ATAD3C: variants seen among roughly 807,000 people sequenced by gnomAD.
ATAD3C encodes ATPase family AAA domain-containing protein 3C.
A neutral mutation model predicts 46.3 loss-of-function variants in ATAD3C; 38 were observed. That is an observed-to-expected ratio of 0.82 (90% CI 0.63 to 1.08). The LOEUF is 1.08. ATAD3C is among the 50% of genes least tolerant of loss of function. ATAD3C has a pLI of 0.00. For missense variants in ATAD3C, 563 were observed against 572.7 expected (o/e 0.98, Z 0.17); for synonymous variants, 220 against 236.4 (o/e 0.93, Z 0.63).
chr1:1,460,278 C>T lies in ATAD3C; in HGVS notation c.813-472C>T, dbSNP rs1005329557. ...TTCTTTTTTAGTAGAGATGGGGTTTCACCATGTTAGTCAGCTGGTGTTGAA... is the reference window on the plus strand; with the variant it reads ...TTCTTTTTTAGTAGAGATGGGGTTTTACCATGTTAGTCAGCTGGTGTTGAA... On this transcript the variant is annotated intron_variant, in intron 9 of 11. Transcript: ENST00000378785. Among the ~76,000 whole-genome samples the T allele has an allele frequency of 4.0e-5, 6 of 151,874 alleles. No homozygotes were observed. In the East Asian group the frequency reaches 7.7e-4, roughly 20 times the overall value.
At chr1:1,455,191 T>G (rs556205781) in intron 4 of ATAD3C, among the ~76,000 whole-genome samples, 13 of 117,014 alleles carry the variant, frequency 1.1e-4, no homozygotes, top group Non-Finnish European at 1.9e-4. Flanking sequence ...CACTCCAGCC[T>G]GGGCGACAGA....
At chr1:1,466,720 C>T (rs868191769) in intron 11 of ATAD3C, among the ~76,000 whole-genome samples, 2 of 151,852 alleles carry the variant, frequency 1.3e-5, no homozygotes, top group Middle Eastern at 3.4e-3. Context: ...AGGAATAAAT[C>T]CTGCTTGGTC....
rs2100472466 is a variant in ATAD3C, at chr1:1,452,336, TC to T, written c.153-27del. 4 of 1,613,668 alleles carry T rather than the reference TC, an allele frequency of 2.5e-6. No homozygotes were observed. In the East Asian group the frequency reaches 8.9e-5, roughly 36 times the overall value. ...TACGTGGCGTGGGTCTTTGTTTCCCTCCTGGTCACACCACTGCTTTCCCCAC... is the reference window on the plus strand; with the variant it reads ...TACGTGGCGTGGGTCTTTGTTTCCCTCTGGTCACACCACTGCTTTCCCCAC... On this transcript the variant is annotated intron_variant, in intron 2 of 11. Transcript: ENST00000378785.
At chr1:1,465,039 A>C (rs1639124598) in intron 11 of ATAD3C, among the ~76,000 whole-genome samples, 1 of 151,198 alleles carries the variant, frequency 6.6e-6, no homozygotes, top group Admixed American at 6.6e-5. Flanking sequence ...GCACGCGCCA[A>C]CATGCCCGGC....
Position 1,459,703 on chromosome 1 carries a change from G to A in ATAD3C, c.812+472G>A, listed in dbSNP as rs1639024821. ...GGTCCCCCGCCCGGATGCTGGCCAA[G>A]GGTGCACCCTCCAGGCTTGGGGCCC... On this transcript the variant is annotated intron_variant, in intron 9 of 11. Transcript: ENST00000378785. This position sits in a 1 kb window ranked among gnomAD's most constrained non-coding sequence, Gnocchi z 4.9. 6.6e-6 allele frequency among the ~76,000 whole-genome samples: 1 copy of A among 151,948 alleles called. No individual in the cohort carries two copies. The highest frequency in any genetic ancestry group is 1.5e-5 in the Non-Finnish European group (1 of 67,980).
chr1:1,451,611 G>T (rs1638860233), intron 1 of ATAD3C, among the ~76,000 whole-genome samples: 1 of 152,146 alleles, frequency 6.6e-6, no homozygotes, highest in South Asian at 2.1e-4. Context: ...CTCCCAAAGT[G>T]CTGGGATTAC....
intron 10 of ATAD3C, 78 bp downstream of exon 10, chr1:1,460,995 C>T: frequency 6.9e-7 from 1 of 1,456,956 alleles, no homozygotes; most frequent in Admixed American, 2.3e-5. Context: ...TCCGGACACA[C>T]CCAGCAGGCC....
intron 3 of ATAD3C, among the ~76,000 whole-genome samples, chr1:1,453,718 C>T (rs1161307448): frequency 6.6e-6 from 1 of 150,698 alleles, no homozygotes; most frequent in Non-Finnish European, 1.5e-5. Context: ...GGGCTCACTG[C>T]AACCTCCGAC....
In ATAD3C at chr1:1,452,073, CAGG is replaced by C. The variant is rs748033393; in HGVS notation, c.109_111del (p.Glu37del). ...ACTTGTCAATGAGGATTTACGGAAG[CAGG>C]AGGAGTCCGTGCAGAAGCACCATCA... On this transcript the variant is annotated inframe_deletion, in exon 2 of 12. Coordinates refer to ENST00000378785, the MANE Select transcript of ATAD3C (RefSeq NM_001039211.3). The C allele has an allele frequency of 3.7e-6, 6 of 1,613,580 alleles. No homozygotes were observed. The highest frequency in any genetic ancestry group is 5.1e-6 in the Non-Finnish European group (6 of 1,179,686).
At position 1,461,682 on chromosome 1, in the gene ATAD3C, A is replaced by C. The variant is rs111266121; in HGVS notation, c.980+765A>C. ...GAGGCTCCTCATGAGACCCCCATGTAGGGACTGGAGGGAGAGGCTCCTCAT... is the reference window on the plus strand; with the variant it reads ...GAGGCTCCTCATGAGACCCCCATGTCGGGACTGGAGGGAGAGGCTCCTCAT... On this transcript the variant is annotated intron_variant, in intron 10 of 11. Coordinates refer to ENST00000378785, the MANE Select transcript of ATAD3C (RefSeq NM_001039211.3). Among the ~76,000 whole-genome samples, 308 of 143,788 alleles carry C rather than the reference A, an allele frequency of 2.1e-3. 7 individuals are homozygous for C. The highest frequency in any genetic ancestry group is 8.8e-3 in the South Asian group (40 of 4,546). The allele number at this position is 143,788 out of a possible 152,430, so 94.3% of individuals were successfully genotyped here.
rs753405958 is a variant in ATAD3C, at chr1:1,460,819, G to C, written c.882G>C (p.Val294=). The change falls in exon 10 of 12, where the codon GTG becomes GTC. Residue 294 remains valine, a synonymous_variant. Coordinates refer to ENST00000378785, the MANE Select transcript of ATAD3C (RefSeq NM_001039211.3). Reference sequence around the variant, plus strand: ...GGGCCATCAATGCCTGCATCGACGTGATGGTCCACTTCGACCTGCCAGGGC... The same window carrying C: ...GGGCCATCAATGCCTGCATCGACGTCATGGTCCACTTCGACCTGCCAGGGC... ...FDWAINACID[V]MVHFDLPGQE... is the part of the protein sequence containing the mutation. 6.2e-7 allele frequency: 1 copy of C among 1,613,042 alleles called. No homozygotes were observed. Among genetic ancestry groups the C allele is most frequent in the South Asian group, 1.1e-5 (1 of 90,924 alleles).
rs1384194135 is a variant in ATAD3C at position 1,454,420 on chromosome 1, G to A, written c.298G>A (p.Glu100Lys). The A allele has an allele frequency of 5.0e-6, 8 of 1,609,200 alleles. No homozygotes were observed. The highest frequency in any genetic ancestry group is 5.9e-6 in the Non-Finnish European group (7 of 1,178,758). ...GACAGCCGTCACTGGCCGCTACATCGAGGCTCGGCTGGGGAAGCCGTCCCT... is the reference window on the plus strand; with the variant it reads ...GACAGCCGTCACTGGCCGCTACATCAAGGCTCGGCTGGGGAAGCCGTCCCT... ...NATAVTGRYI[E>K]ARLGKPSLVR... The change falls in exon 4 of 12, where the codon GAG becomes AAG. Residue 100 changes from glutamate (E) to lysine (K), a missense_variant. Physicochemically the swap from Glu to Lys is moderately conservative, Grantham distance 56. Coordinates refer to ENST00000378785, the MANE Select transcript of ATAD3C (RefSeq NM_001039211.3).
At chr1:1,451,828 C>T (rs1638863853) in intron 1 of ATAD3C, among the ~76,000 whole-genome samples, 1 of 152,060 alleles carries the variant, frequency 6.6e-6, no homozygotes, top group Admixed American at 6.6e-5. Context: ...GGGGCTGTTT[C>T]TGCCGCTGGG....
At position 1,454,206 on chromosome 1, in the gene ATAD3C, T is replaced by C. The variant is rs985229628; in HGVS notation, c.223-139T>C. ...GGCTGTGGGATTCGGGGCTGGGAATTCGGGTTCCTGTGGGGCCAGCACACG... is the reference window on the plus strand; with the variant it reads ...GGCTGTGGGATTCGGGGCTGGGAATCCGGGTTCCTGTGGGGCCAGCACACG... On this transcript the variant is annotated intron_variant, in intron 3 of 11. Transcript: ENST00000378785. The C allele has an allele frequency of 7.7e-6, 11 of 1,420,094 alleles. No individual in the cohort carries two copies. The African/African-American group carries it at 1.6e-4, about 21-fold the overall frequency. The allele number at this position is 1,420,094 out of a possible 1,614,324, so 88.0% of individuals were successfully genotyped here. A position where few individuals can be genotyped will look rare whatever the true frequency, so the allele number is the denominator to read the frequency against.
intron 2 of ATAD3C, 112 bp from the exon 3 acceptor site, chr1:1,452,253 C>G (rs747888750): frequency 4.4e-6 from 7 of 1,588,046 alleles, no homozygotes; most frequent in Non-Finnish European, 6.0e-6. Context: ...GACACTGCCC[C>G]CCTGTCCTGG....
rs1211972760 is a variant in ATAD3C at position 1,469,114 on chromosome 1, A to T, written c.*584A>T. On this transcript the variant is annotated 3_prime_UTR_variant, in exon 12 of 12. Transcript: ENST00000378785. ...CCATCTCTCCTAAAAAAAAAAAAAA[A>T]AAAAAAAAAAAAAAAAAAAAAATTA... The T allele has an allele frequency of 1.4e-5, 2 of 143,650 alleles. No homozygotes were observed. The highest frequency in any genetic ancestry group is 5.3e-5 in the African/African-American group (2 of 37,808). 8.9% of individuals were successfully genotyped at this position (143,650 alleles called of 1,614,324 possible).
intron 8 of ATAD3C, among the ~76,000 whole-genome samples, chr1:1,457,911 T>C (rs1381717957): frequency 6.6e-6 from 1 of 150,926 alleles, no homozygotes; most frequent in Non-Finnish European, 1.5e-5. Context: ...CTCTTGACCT[T>C]GTAATGCCCC....
chr1:1,463,025 C>A (rs965640842), intron 11 of ATAD3C, among the ~76,000 whole-genome samples: 1 of 152,080 alleles, frequency 6.6e-6, no homozygotes, highest in African/African-American at 2.4e-5. Flanking sequence ...GACAGGCACC[C>A]CCCAGTGTGA....
intron 3 of ATAD3C, among the ~76,000 whole-genome samples, chr1:1,453,552 G>A (rs1695860): frequency 0.31 from 47,190 of 151,758 alleles, 9,184 homozygotes; most frequent in East Asian, 0.52. Context: ...GGCCAGGCTG[G>A]TTGCGAACTC....
Sources: allele counts gnomAD v4.1 joint callset (sites outside exome capture counted in the v4.1 genomes callset), GRCh38; gene constraint gnomAD v4.1.1; non-coding constraint Gnocchi (gnomAD v3.1); transcripts MANE v1.5; gene names NCBI Gene and HGNC (gene_info 2026-07-23, HGNC 2026-07-21).